The following SLC30A8 variants were observed in gnomAD, a reference collection of about 807,000 sequenced individuals.
SLC30A8 encodes the protein solute carrier family 30 member 8.
A neutral mutation model predicts 36.9 loss-of-function variants in SLC30A8; 27 were observed. The ratio of observed to expected loss-of-function variants is 0.73; its 90% CI spans 0.54 to 1.01. The LOEUF is 1.01. SLC30A8 is among the 50% of genes least tolerant of loss of function. The pLI is 0.00. For missense variants in SLC30A8, 439 were observed against 452.0 expected, an observed-to-expected ratio of 0.97 and a Z score of 0.26; for synonymous variants, 164 against 172.4, an observed-to-expected ratio of 0.95 and a Z score of 0.38.
intron 1 of SLC30A8, among the ~76,000 whole-genome samples, chr8:116,990,386 T>C (rs554579086): frequency 6.6e-6 from 1 of 152,294 alleles, no homozygotes; most frequent in Admixed American, 6.5e-5. Context: ...TCCCCAGTGA[T>C]GATAGTTGCG....
chr8:117,050,220 G>C (rs886501694), intron 2 of SLC30A8, among the ~76,000 whole-genome samples: 1 of 152,052 alleles, frequency 6.6e-6, no homozygotes, highest in African/African-American at 2.4e-5. Context: ...CACGTCTAGT[G>C]TGTTCATCAT....
At chr8:116,976,242 CTTTT>C (rs78495363) in intron 1 of SLC30A8, among the ~76,000 whole-genome samples, 9 of 118,022 alleles carry the variant, frequency 7.6e-5, no homozygotes, top group Admixed American at 1.6e-4. Context: ...AGTTCTCTCT[CTTTT>C]TTTTTTTTTT....
chr8:116,984,439 G>C (rs755298640), intron 1 of SLC30A8, among the ~76,000 whole-genome samples: 2 of 152,112 alleles, frequency 1.3e-5, no homozygotes, highest in South Asian at 4.1e-4. Context: ...ATATATGAGT[G>C]ACTCAGTTTC....
chr8:117,119,724 C>T (rs1202841255), intron 2 of SLC30A8, among the ~76,000 whole-genome samples: 2 of 151,878 alleles, frequency 1.3e-5, no homozygotes, highest in African/African-American at 4.8e-5. Context: ...TATAGTAGTA[C>T]AGCAGTGCTA....
At chr8:116,969,463 T>G (rs1457742408) in intron 1 of SLC30A8, among the ~76,000 whole-genome samples, 1 of 152,182 alleles carries the variant, frequency 6.6e-6, no homozygotes, top group African/African-American at 2.4e-5. Context: ...CTACTTCATC[T>G]CATAGGGTTA....
intron 1 of SLC30A8, among the ~76,000 whole-genome samples, chr8:117,015,815 G>T (rs879679786): frequency 1.7e-4 from 26 of 152,112 alleles, no homozygotes; most frequent in Non-Finnish European, 3.1e-4. Context: ...CTCTTCAAAT[G>T]ATCCTAATTG....
chr8:116,967,647 A>G (rs1235747888), intron 1 of SLC30A8, among the ~76,000 whole-genome samples: 5 of 152,258 alleles, frequency 3.3e-5, no homozygotes, highest in South Asian at 4.1e-4. Context: ...AAAATCAAGT[A>G]TTGATAAAAT....
intron 2 of SLC30A8, among the ~76,000 whole-genome samples, chr8:117,111,793 C>G (rs1820239087): frequency 1.3e-5 from 2 of 152,272 alleles, no homozygotes; most frequent in Non-Finnish European, 1.5e-5. Context: ...TAGTGGGAAA[C>G]TAACTCCCCA....
intron 2 of SLC30A8, among the ~76,000 whole-genome samples, chr8:117,152,067 T>G (rs569258175): frequency 1.6e-4 from 25 of 152,210 alleles, no homozygotes; most frequent in Non-Finnish European, 2.2e-4. Flanking sequence ...GCGGGGCTGA[T>G]GGCTGACAGT....
chr8:117,054,919 A>AT (rs202238259), intron 2 of SLC30A8, among the ~76,000 whole-genome samples: 5 of 151,928 alleles, frequency 3.3e-5, no homozygotes, highest in East Asian at 1.9e-4. Flanking sequence ...GAAAATATGT[A>AT]TTTTTTTTGA....
chr8:116,957,200 CAT>C (rs1184927935), intron 1 of SLC30A8, among the ~76,000 whole-genome samples: 1 of 152,138 alleles, frequency 6.6e-6, no homozygotes, highest in Non-Finnish European at 1.5e-5. Flanking sequence ...GGTGAGAAGA[CAT>C]AGGGCTAAGA....
At chr8:117,117,899 T>C (rs1204400142) in intron 2 of SLC30A8, among the ~76,000 whole-genome samples, 1 of 151,990 alleles carries the variant, frequency 6.6e-6, no homozygotes, top group Non-Finnish European at 1.5e-5. Context: ...GAGGCCTAGT[T>C]TGAAAAGGAC....
chr8:117,048,700 T>TC (rs541994404), intron 2 of SLC30A8, among the ~76,000 whole-genome samples: 102 of 152,358 alleles, frequency 6.7e-4, no homozygotes, highest in African/African-American at 2.4e-3. Flanking sequence ...ACTATTGTGT[T>TC]CTATAGCCTG....
chr8:117,101,288 A>G (rs1819707525), intron 2 of SLC30A8, among the ~76,000 whole-genome samples: 1 of 152,096 alleles, frequency 6.6e-6, no homozygotes, highest in Non-Finnish European at 1.5e-5. Flanking sequence ...AATATGCTCA[A>G]TTAAAAGGGA....
At position 117,094,606 on chromosome 8, in the gene SLC30A8, G is replaced by A. The variant is rs977165421; in HGVS notation, c.-225-40674G>A. Among the ~76,000 whole-genome samples, 32 of 152,068 alleles carry A rather than the reference G, an allele frequency of 2.1e-4. 1 individual carries two copies. Among genetic ancestry groups the A allele is most frequent in the African/African-American group, 4.8e-5 (2 of 41,422 alleles). On this transcript the variant is annotated intron_variant, in intron 2 of 10. Coordinates refer to the SLC30A8 transcript ENST00000427715. Reference sequence around the variant, plus strand: ...GAGGGGAATAAGTGTGTGCCAGTTGGTCCATGAGTGGCCATGGGTGGGCCT... The same window carrying A: ...GAGGGGAATAAGTGTGTGCCAGTTGATCCATGAGTGGCCATGGGTGGGCCT...
intron 1 of SLC30A8, among the ~76,000 whole-genome samples, chr8:116,974,341 A>G (rs1814902849): frequency 1.3e-5 from 2 of 152,218 alleles, no homozygotes; most frequent in South Asian, 4.1e-4. Flanking sequence ...ACAAATTTAC[A>G]AGAAAATAAA....
chr8:117,077,577 C>T (rs1199380798), intron 2 of SLC30A8, among the ~76,000 whole-genome samples: 3 of 152,186 alleles, frequency 2.0e-5, no homozygotes, highest in Admixed American at 2.0e-4. Context: ...ATGTATATCT[C>T]TCCTATCTTA....
intron 2 of SLC30A8, among the ~76,000 whole-genome samples, chr8:117,107,991 G>A (rs959989318): frequency 3.9e-5 from 6 of 152,150 alleles, no homozygotes; most frequent in African/African-American, 1.4e-4. Context: ...TGAAGTATAA[G>A]GTCCCCAATT....
chr8:116,965,851 G>T (rs1344067069), intron 1 of SLC30A8, among the ~76,000 whole-genome samples: 1 of 151,242 alleles, frequency 6.6e-6, no homozygotes, highest in African/African-American at 2.4e-5. Flanking sequence ...CTTGCTAGAG[G>T]CTCTTCCCTA....
Sources: gnomAD v4.1 joint callset for allele counts (sites outside exome capture counted in the v4.1 genomes callset) on GRCh38, gnomAD v4.1.1 for gene constraint, MANE v1.5 for transcripts, NCBI Gene and HGNC (gene_info 2026-07-23, HGNC 2026-07-21) for gene names.